PPFIBP1: variants seen among roughly 807,000 people sequenced by gnomAD.
PPFIBP1 encodes PPFIB scaffold protein 1.
PPFIBP1 carries 112 observed loss-of-function variants against 137.8 expected under a neutral mutation model. The observed-to-expected ratio is 0.81, with a 90% confidence interval of 0.70 to 0.95. PPFIBP1 has a LOEUF of 0.95. PPFIBP1 is among the 40% of genes least tolerant of loss of function. The pLI is 0.00. For missense variants in PPFIBP1, 1,083 were observed against 1,196.6 expected, an observed-to-expected ratio of 0.91 and a Z score of 1.40; for synonymous variants, 378 against 417.3, an observed-to-expected ratio of 0.91 and a Z score of 1.15.
At chr12:27,559,803 A>G (rs923550775) in intron 1 of PPFIBP1, among the ~76,000 whole-genome samples, 1 of 152,236 alleles carries the variant, frequency 6.6e-6, no homozygotes, top group Admixed American at 6.5e-5. Context: ...ATGTACATAC[A>G]TAGCACCAAT....
chr12:27,540,918 A>T (rs306657), intron 1 of PPFIBP1, among the ~76,000 whole-genome samples: 66,662 of 152,096 alleles, frequency 0.44, 14,982 homozygotes, highest in Middle Eastern at 0.5. Flanking sequence ...TTCACTTATG[A>T]ATCCTCTATC....
chr12:27,623,385 T>C (rs923581206), intron 2 of PPFIBP1, among the ~76,000 whole-genome samples: 1 of 152,156 alleles, frequency 6.6e-6, no homozygotes, highest in African/African-American at 2.4e-5. Flanking sequence ...AATGATCGCA[T>C]TTATCTAAAT....
chr12:27,649,803 C>A (rs771738129), intron 6 of PPFIBP1, among the ~76,000 whole-genome samples: 1 of 152,156 alleles, frequency 6.6e-6, no homozygotes, highest in Non-Finnish European at 1.5e-5. Context: ...CTGCCTGCCT[C>A]GGCCTCCCAA....
chr12:27,670,794 A>ATAATAATAAT (rs57075092), intron 13 of PPFIBP1, among the ~76,000 whole-genome samples: 311 of 139,364 alleles, frequency 2.2e-3, no homozygotes, highest in African/African-American at 6.4e-3. Context: ...AAAAAAAAAA[A>ATAATAATAAT]AATAATAATA....
In PPFIBP1 at chr12:27,644,279, G is replaced by A. The variant is rs532092559; in HGVS notation, c.271-1783G>A. 7.6e-5 allele frequency among the ~76,000 whole-genome samples: 9 copies of A among 118,278 alleles called. No individual in the cohort carries two copies. In the South Asian group the frequency reaches 1.2e-3, roughly 16 times the overall value. The allele number at this position is 118,278 out of a possible 152,430, so 77.6% of individuals were successfully genotyped here. On this transcript the variant is annotated intron_variant, in intron 4 of 29. Transcript: ENST00000228425. ...TTTTTTTTTTTTTTTTAAGAGATAG[G>A]GTCTTGCCATGTTGCCTATGCTGGC...
At chr12:27,647,865 A>T in intron 6 of PPFIBP1, 23 bp downstream of exon 6, 1 of 1,599,092 alleles carries the variant, frequency 6.3e-7, no homozygotes, top group Non-Finnish European at 8.5e-7. Flanking sequence ...GCCAGAACCA[A>T]GATGGGATTT....
At chr12:27,676,345 T>C in intron 17 of PPFIBP1, 83 bp from the exon 18 acceptor site, 1 of 1,082,394 alleles carries the variant, frequency 9.2e-7, no homozygotes, top group Non-Finnish European at 1.2e-6. Context: ...GGATGTGGCG[T>C]GAGTGAGTAT....
rs3842650 is a variant in PPFIBP1 at position 27,644,244 on chromosome 12, G to GTTTTTTTTTTTTTTTTTTTTTTTTT, written c.271-1817_271-1793dup. Among the ~76,000 whole-genome samples, 13 of 117,768 alleles carry GTTTTTTTTTTTTTTTTTTTTTTTTT rather than the reference G, an allele frequency of 1.1e-4. 1 individual carries two copies. Among genetic ancestry groups the GTTTTTTTTTTTTTTTTTTTTTTTTT allele is most frequent in the East Asian group, 5.5e-4 (2 of 3,606 alleles). 77.3% of individuals were successfully genotyped at this position (117,768 alleles called of 152,430 possible). On this transcript the variant is annotated intron_variant, in intron 4 of 29. Transcript: ENST00000228425. Reference sequence around the variant, plus strand: ...GGCGCACACCACCAAGCTTGGCTAAGTTTTTTTTTTTTTTTTTTTTTTTTT... The same window carrying GTTTTTTTTTTTTTTTTTTTTTTTTT: ...GGCGCACACCACCAAGCTTGGCTAAGTTTTTTTTTTTTTTTTTTTTTTTTTTTTTTTTTTTTTTTTTTTTTTTTTT...
At chr12:27,671,387 T>C in intron 13 of PPFIBP1, 44 bp from the exon 14 acceptor site, 2 of 1,152,154 alleles carry the variant, frequency 1.7e-6, no homozygotes, top group Non-Finnish European at 2.5e-6. Context: ...GTGGCTTGTG[T>C]TTTGTTTTGA....
chr12:27,685,813 G>A (rs929616061), intron 24 of PPFIBP1, among the ~76,000 whole-genome samples: 6 of 152,214 alleles, frequency 3.9e-5, no homozygotes, highest in Non-Finnish European at 8.8e-5. Flanking sequence ...GAGGCTGAGT[G>A]AAAGGTATAC....
At chr12:27,663,111 T>C (rs1200746726) in intron 11 of PPFIBP1, among the ~76,000 whole-genome samples, 1 of 152,180 alleles carries the variant, frequency 6.6e-6, no homozygotes, top group Non-Finnish European at 1.5e-5. Context: ...AGGACTAGCC[T>C]CTTCTCCAGA....
At position 27,664,434 on chromosome 12, in the gene PPFIBP1, C is replaced by T; in HGVS notation, c.979C>T (p.Gln327Ter). ...AATGCAAGACACGGTGGTACTGGCC[C>T]AAGGTAAAAAAGGTAGAGTGTAGCT... Reference protein sequence around the residue: ...KKMQDTVVLAQGKKGKDGEYE... With the variant: ...KKMQDTVVLA The change falls in exon 12 of 30, where the codon CAA becomes TAA. Residue 327 changes from glutamine (Q) to a stop codon, truncating the protein, a stop_gained. Transcript: ENST00000228425. LOFTEE classifies it high-confidence loss of function. 1 of 1,610,702 alleles carries T rather than the reference C, an allele frequency of 6.2e-7. No individual in the cohort carries two copies. Among genetic ancestry groups the T allele is most frequent in the Non-Finnish European group, 8.5e-7 (1 of 1,177,894 alleles).
At chr12:27,611,334 CCTTGGCTTGTA>C (rs1216406354) in intron 2 of PPFIBP1, among the ~76,000 whole-genome samples, 1 of 152,162 alleles carries the variant, frequency 6.6e-6, no homozygotes, top group African/African-American at 2.4e-5. Flanking sequence ...AGGCTTCTCC[CCTTGGCTTGTA>C]CATGGCTGTC....
At chr12:27,684,226 A>T (rs1029238547) in intron 24 of PPFIBP1, among the ~76,000 whole-genome samples, 18 of 152,128 alleles carry the variant, frequency 1.2e-4, no homozygotes, top group African/African-American at 4.3e-4. Context: ...CTCCTGCCTC[A>T]GCCACCCGAG....
At chr12:27,660,339 A>C (rs2059464343) in intron 10 of PPFIBP1, among the ~76,000 whole-genome samples, 1 of 152,194 alleles carries the variant, frequency 6.6e-6, no homozygotes, top group South Asian at 2.1e-4. Context: ...TAGTATTGGA[A>C]ATGAAGTTTA....
At chr12:27,568,238 A>T (rs1185724335) in intron 1 of PPFIBP1, among the ~76,000 whole-genome samples, 2 of 152,202 alleles carry the variant, frequency 1.3e-5, no homozygotes, top group Non-Finnish European at 2.9e-5. Context: ...AGTTAGGCAA[A>T]TGTAGCCACA....
intron 1 of PPFIBP1, among the ~76,000 whole-genome samples, chr12:27,534,528 A>G (rs1944772155): frequency 2.6e-5 from 4 of 152,060 alleles, no homozygotes; most frequent in Admixed American, 2.6e-4. Flanking sequence ...TCGAGGCAGG[A>G]AGTTGGTTTA....
At chr12:27,661,067 G>A in intron 11 of PPFIBP1, 122 bp downstream of exon 11, 1 of 1,409,254 alleles carries the variant, frequency 7.1e-7, no homozygotes, top group East Asian at 2.6e-5. Context: ...TAGGAGTGAG[G>A]GGCAGGTGTG....
intron 2 of PPFIBP1, among the ~76,000 whole-genome samples, chr12:27,616,106 C>T (rs1416102157): frequency 1.3e-5 from 2 of 151,558 alleles, no homozygotes; most frequent in East Asian, 3.9e-4. Context: ...AATTCTTTTC[C>T]CTCTCTGCCT....
Sources: allele counts gnomAD v4.1 joint callset (sites outside exome capture counted in the v4.1 genomes callset), GRCh38; gene constraint gnomAD v4.1.1; transcripts MANE v1.5; gene names NCBI Gene and HGNC (gene_info 2026-07-23, HGNC 2026-07-21).